Variants in AGAP1 observed in about 807,000 individuals in gnomAD.
AGAP1 encodes the protein ArfGAP with GTPase domain, ankyrin repeat and PH domain 1, also known as arf-GAP with GTPase, ANK repeat and PH domain-containing protein 1.
Under a neutral mutation model 105.3 loss-of-function variants are expected in AGAP1, and 29 were observed. That is an observed-to-expected ratio of 0.28 (90% CI 0.21 to 0.38). The LOEUF is 0.38. Ranked by LOEUF, AGAP1 falls within the 10% of genes least tolerant of loss-of-function variation. AGAP1 has a pLI of 1.00. For missense variants in AGAP1, 998 were observed against 1,165.1 expected (o/e 0.86, Z 2.09); for synonymous variants, 509 against 485.9 (o/e 1.05, Z -0.63).
intron 12 of AGAP1, among the ~76,000 whole-genome samples, chr2:235,955,798 AG>A (rs1336419832): frequency 2.6e-5 from 4 of 152,144 alleles, no homozygotes; most frequent in Non-Finnish European, 4.4e-5. Flanking sequence ...ACTTCGAAGC[AG>A]CGGCCTGAGT....
chr2:235,895,732 T>C (rs939160266), intron 10 of AGAP1, among the ~76,000 whole-genome samples: 1 of 143,606 alleles, frequency 7.0e-6, no homozygotes, highest in Non-Finnish European at 1.5e-5. Context: ...GATGGATGGA[T>C]GGATGGATGG....
intron 1 of AGAP1, among the ~76,000 whole-genome samples, chr2:235,685,584 G>A (rs1949336410): frequency 6.6e-6 from 1 of 151,878 alleles, no homozygotes; most frequent in Admixed American, 6.6e-5. Flanking sequence ...CGTATACAGG[G>A]TGCGTCTGTC....
chr2:235,851,410 G>A (rs1469714270), intron 9 of AGAP1, among the ~76,000 whole-genome samples: 1 of 152,226 alleles, frequency 6.6e-6, no homozygotes, highest in African/African-American at 2.4e-5. Flanking sequence ...GTGTCCGCAT[G>A]TCACCCCCTT....
intron 6 of AGAP1, among the ~76,000 whole-genome samples, chr2:235,759,164 CTTTT>C (rs560528348): frequency 1.9e-4 from 20 of 104,104 alleles, no homozygotes; most frequent in Middle Eastern, 5.3e-3. Flanking sequence ...TGATGTCATT[CTTTT>C]TTTTTTTTTT....
intron 11 of AGAP1, among the ~76,000 whole-genome samples, chr2:235,914,439 C>G (rs1454452606): frequency 2.6e-5 from 4 of 151,108 alleles, no homozygotes. Flanking sequence ...CAAGTAAGAT[C>G]ATTGTAAGGA....
rs1024019813 is a variant in AGAP1, at chr2:235,864,095, C to G, written c.1051-19250C>G. 1.3e-5 allele frequency among the ~76,000 whole-genome samples: 2 copies of G among 152,210 alleles called. No homozygotes were observed. Among genetic ancestry groups the G allele is most frequent in the Non-Finnish European group, 1.5e-5 (1 of 68,038 alleles). On this transcript the variant is annotated intron_variant, in intron 9 of 17. Coordinates refer to ENST00000304032, the MANE Select transcript of AGAP1 (RefSeq NM_001037131.3). The surrounding 1 kb of genome is among the most constrained non-coding windows in gnomAD (Gnocchi z 5.0). ...ATCTGACTTGAATGCGCAAGCGGGC[C>G]GTTCCCACGTGATTTAATAAACAGT... is the stretch of plus-strand genomic sequence containing the variant.
At chr2:235,995,947 T>C (rs2055793661) in intron 13 of AGAP1, among the ~76,000 whole-genome samples, 2 of 152,150 alleles carry the variant, frequency 1.3e-5, no homozygotes, top group African/African-American at 4.8e-5. Context: ...GAGGTCAGCC[T>C]CAATAAAAGA....
In AGAP1 at chr2:236,045,634, G is replaced by A. The variant is rs543140379; in HGVS notation, c.1892-3425G>A. On this transcript the variant is annotated intron_variant, in intron 15 of 17. Coordinates refer to ENST00000304032, the MANE Select transcript of AGAP1 (RefSeq NM_001037131.3). This position sits in a 1 kb window ranked among gnomAD's most constrained non-coding sequence, Gnocchi z 6.9. ...TGGGACCAGCGGGGCCTGAAGCCAGGTGGAGGGGCAGGAGACAGTGCAGAG... is the reference window on the plus strand; with the variant it reads ...TGGGACCAGCGGGGCCTGAAGCCAGATGGAGGGGCAGGAGACAGTGCAGAG... 7.2e-5 allele frequency among the ~76,000 whole-genome samples: 11 copies of A among 152,372 alleles called. No homozygotes were observed. Among genetic ancestry groups the A allele is most frequent in the Admixed American group, 2.6e-4 (4 of 15,310 alleles).
intron 1 of AGAP1, among the ~76,000 whole-genome samples, chr2:235,597,451 C>T (rs907464515): frequency 4.6e-5 from 7 of 152,204 alleles, no homozygotes; most frequent in African/African-American, 7.2e-5. Flanking sequence ...CCAGTCTTTC[C>T]GTCACTTCCT....
chr2:235,844,271 AG>A (rs1961207240), intron 9 of AGAP1, among the ~76,000 whole-genome samples: 1 of 152,292 alleles, frequency 6.6e-6, no homozygotes, highest in South Asian at 2.1e-4. Flanking sequence ...GGAGCCAGGC[AG>A]GTACTTGTCA....
chr2:235,501,665 C>T (rs1286083377), intron 1 of AGAP1, among the ~76,000 whole-genome samples: 1 of 152,070 alleles, frequency 6.6e-6, no homozygotes, highest in Non-Finnish European at 1.5e-5. Flanking sequence ...CGTTTTTCCC[C>T]CTGTATACCC....
At chr2:236,108,797 C>T (rs1235238831) in intron 16 of AGAP1, among the ~76,000 whole-genome samples, 1 of 152,064 alleles carries the variant, frequency 6.6e-6, no homozygotes, top group African/African-American at 2.4e-5. Context: ...CCAGCCCTGC[C>T]ACACACAGCG....
chr2:235,572,232 G>T (rs150739643), intron 1 of AGAP1, among the ~76,000 whole-genome samples: 1 of 151,846 alleles, frequency 6.6e-6, no homozygotes, highest in Non-Finnish European at 1.5e-5. Context: ...CCCTGTGTGT[G>T]TGTCAGCTGA....
At chr2:236,079,308 C>T (rs2058720490) in intron 16 of AGAP1, among the ~76,000 whole-genome samples, 1 of 148,538 alleles carries the variant, frequency 6.7e-6, no homozygotes, top group Non-Finnish European at 1.5e-5. Flanking sequence ...TTCTTGAGGC[C>T]AGGAGTTCGA....
chr2:235,773,966 C>T (rs770774378), intron 6 of AGAP1: 2 of 470,674 alleles, frequency 4.2e-6, no homozygotes, highest in Non-Finnish European at 8.8e-6. Flanking sequence ...TCCATTCAGC[C>T]AACTTTTTTT....
chr2:235,666,919 C>G (rs1011144370), intron 1 of AGAP1, among the ~76,000 whole-genome samples: 1 of 152,064 alleles, frequency 6.6e-6, no homozygotes, highest in Non-Finnish European at 1.5e-5. Flanking sequence ...TGACCTCCCC[C>G]TCCCACACCT....
Position 236,040,868 on chromosome 2 carries a change from C to A in AGAP1, c.1891+27C>A, listed in dbSNP as rs777204870. 9.9e-6 allele frequency: 16 copies of A among 1,612,742 alleles called. No homozygotes were observed. The East Asian group carries it at 2.0e-4, about 20-fold the overall frequency. On this transcript the variant is annotated intron_variant, in intron 15 of 17. Coordinates refer to ENST00000304032, the MANE Select transcript of AGAP1 (RefSeq NM_001037131.3). This position sits in a 1 kb window ranked among gnomAD's most constrained non-coding sequence, Gnocchi z 5.6. ...TAAGTGTGTGCGGTGGTAGCAGGGG[C>A]TGGCGCTGTGTAGCTGGAGACCACA...
intron 1 of AGAP1, among the ~76,000 whole-genome samples, chr2:235,708,323 G>A (rs1950654867): frequency 6.6e-6 from 1 of 152,192 alleles, no homozygotes; most frequent in South Asian, 2.1e-4. Context: ...GTGATCACCA[G>A]GACAAATGAT....
chr2:235,844,721 A>G (rs1427495225), intron 9 of AGAP1, among the ~76,000 whole-genome samples: 2 of 152,070 alleles, frequency 1.3e-5, no homozygotes, highest in Non-Finnish European at 2.9e-5. Context: ...TCCTCTCCGA[A>G]CCTGGGCACA....
Sources: allele counts gnomAD v4.1 joint callset (sites outside exome capture counted in the v4.1 genomes callset), GRCh38; gene constraint gnomAD v4.1.1; non-coding constraint Gnocchi (gnomAD v3.1); transcripts MANE v1.5; gene names NCBI Gene and HGNC (gene_info 2026-07-23, HGNC 2026-07-21).